PRKG1: variants seen among roughly 807,000 people sequenced by gnomAD.
The protein encoded by PRKG1 is protein kinase cGMP-dependent 1.
In PRKG1, 35 loss-of-function variants were observed where a neutral mutation model predicts 88.1. That is an observed-to-expected ratio of 0.40 (90% confidence interval 0.30 to 0.53). The LOEUF (loss-of-function observed/expected upper bound fraction) is 0.53, where lower values mean the gene tolerates loss of function less well. Among genes scored for constraint, PRKG1 ranks in the 20% least tolerant of loss-of-function variants. PRKG1 has a pLI of 0.59. For synonymous variants in PRKG1, 303 were observed against 292.5 expected (o/e 1.04, Z -0.37); for missense variants, 540 against 839.8 (o/e 0.64, Z 4.41).
chr10:51,756,100 T>C (rs1486032874), intron 3 of PRKG1, among the ~76,000 whole-genome samples: 2 of 152,172 alleles, frequency 1.3e-5, no homozygotes, highest in East Asian at 3.8e-4. Flanking sequence ...TTAGATAACA[T>C]TGGGGGCAGA....
At chr10:52,117,425 G>A (rs1296751809) in intron 7 of PRKG1, among the ~76,000 whole-genome samples, 2 of 151,952 alleles carry the variant, frequency 1.3e-5, no homozygotes, top group Non-Finnish European at 2.9e-5. Flanking sequence ...TATCTCTTCA[G>A]TGTAATTACA....
At chr10:51,266,311 G>A (rs1564661551) in intron 2 of PRKG1, among the ~76,000 whole-genome samples, 1 of 152,126 alleles carries the variant, frequency 6.6e-6, no homozygotes, top group African/African-American at 2.4e-5. Flanking sequence ...GTAGTGTATG[G>A]GATTGATTGA....
chr10:51,615,741 G>T (rs1002917585), intron 3 of PRKG1, among the ~76,000 whole-genome samples: 1 of 147,904 alleles, frequency 6.8e-6, no homozygotes, highest in East Asian at 2.0e-4. Flanking sequence ...TCTTTGTGTT[G>T]TTTTTCAGTA....
At chr10:51,280,338 A>G (rs1201887874) in intron 2 of PRKG1, among the ~76,000 whole-genome samples, 1 of 152,016 alleles carries the variant, frequency 6.6e-6, no homozygotes, top group African/African-American at 2.4e-5. Context: ...GAATCTGACA[A>G]TTATGTGTCT....
At chr10:52,239,381 A>G (rs1350613491) in intron 9 of PRKG1, among the ~76,000 whole-genome samples, 3 of 149,490 alleles carry the variant, frequency 2.0e-5, no homozygotes, top group East Asian at 3.9e-4. Flanking sequence ...TTGAGAATAA[A>G]TTTTAATTGG....
At chr10:52,283,174 G>A (rs558144687) in intron 14 of PRKG1, among the ~76,000 whole-genome samples, 7 of 152,242 alleles carry the variant, frequency 4.6e-5, no homozygotes, top group Non-Finnish European at 1.0e-4. Flanking sequence ...CAAAGGTTGA[G>A]TGATGTGTGT....
intron 7 of PRKG1, among the ~76,000 whole-genome samples, chr10:52,123,150 A>G (rs1274860645): frequency 6.6e-6 from 1 of 152,202 alleles, no homozygotes; most frequent in Admixed American, 6.5e-5. Context: ...TATGTCAGAT[A>G]AAAAATTCAT....
chr10:51,749,932 C>CT (rs1179911606), intron 3 of PRKG1, among the ~76,000 whole-genome samples: 14,647 of 131,704 alleles, frequency 0.11, 977 homozygotes, highest in African/African-American at 0.17. Flanking sequence ...CTCTAATAGT[C>CT]TTTTTTTTTT....
intron 5 of PRKG1, among the ~76,000 whole-genome samples, chr10:52,024,920 G>C (rs894940630): frequency 2.0e-5 from 3 of 152,172 alleles, no homozygotes; most frequent in African/African-American, 4.8e-5. Flanking sequence ...CTTCCACAAT[G>C]GTTGAACTAG....
chr10:51,756,816 A>AAAATAAATAAAT (rs577394250), intron 3 of PRKG1, among the ~76,000 whole-genome samples: 2,696 of 151,542 alleles, frequency 0.018, 85 homozygotes, highest in African/African-American at 0.062. Context: ...CTCCATCTCA[A>AAAATAAATAAAT]AAATAAATAA....
At chr10:52,147,754 C>T (rs920821575) in intron 8 of PRKG1, among the ~76,000 whole-genome samples, 11 of 152,016 alleles carry the variant, frequency 7.2e-5, no homozygotes, top group South Asian at 2.1e-4. Flanking sequence ...AAAGGTAGAC[C>T]GGATGGGCTT....
intron 2 of PRKG1, among the ~76,000 whole-genome samples, chr10:51,411,636 A>T (rs1489029278): frequency 6.6e-6 from 1 of 152,196 alleles, no homozygotes; most frequent in Non-Finnish European, 1.5e-5. Context: ...GGTAAAGCTT[A>T]GCAGTTTCTC....
chr10:52,112,445 A>G (rs79811834), intron 7 of PRKG1, among the ~76,000 whole-genome samples: 4,658 of 152,204 alleles, frequency 0.031, 208 homozygotes, highest in African/African-American at 0.11. Flanking sequence ...TAAAGGGACC[A>G]TATTAGATGG....
At chr10:51,618,773 A>G (rs1839131280) in intron 3 of PRKG1, among the ~76,000 whole-genome samples, 1 of 151,458 alleles carries the variant, frequency 6.6e-6, no homozygotes, top group African/African-American at 2.4e-5. Context: ...TTATGTATTT[A>G]TTTATTTATT....
At chr10:51,283,963 C>T (rs939031555) in intron 2 of PRKG1, among the ~76,000 whole-genome samples, 2 of 152,104 alleles carry the variant, frequency 1.3e-5, no homozygotes, top group African/African-American at 4.8e-5. Flanking sequence ...AACCAATTTA[C>T]AAACATAGTT....
At chr10:51,825,536 A>T (rs917891445) in intron 4 of PRKG1, among the ~76,000 whole-genome samples, 1 of 152,126 alleles carries the variant, frequency 6.6e-6, no homozygotes, top group African/African-American at 2.4e-5. Context: ...CAGTACAGAG[A>T]TGGGAAAATT....
chr10:51,003,858 A>G (rs990956861), intron 1 of PRKG1, among the ~76,000 whole-genome samples: 1 of 152,174 alleles, frequency 6.6e-6, no homozygotes, highest in Non-Finnish European at 1.5e-5. Context: ...TTTGCTTAAT[A>G]ATAGTACCTA....
intron 5 of PRKG1, among the ~76,000 whole-genome samples, chr10:52,039,329 G>A (rs1040409577): frequency 1.3e-5 from 2 of 152,064 alleles, no homozygotes; most frequent in African/African-American, 4.8e-5. Flanking sequence ...GGTGCTCAGT[G>A]GGGGTGCTTT....
At chr10:52,262,018 C>T (rs959639007) in intron 10 of PRKG1, among the ~76,000 whole-genome samples, 2 of 152,006 alleles carry the variant, frequency 1.3e-5, no homozygotes, top group Non-Finnish European at 2.9e-5. Flanking sequence ...TTTCTTTCGC[C>T]ATGAAAGTAA....
Sources: allele counts gnomAD v4.1 joint callset (sites outside exome capture counted in the v4.1 genomes callset), GRCh38; gene constraint gnomAD v4.1.1; transcripts MANE v1.5; gene names NCBI Gene and HGNC (gene_info 2026-07-23, HGNC 2026-07-21).